The following SHANK2 variants were observed in gnomAD, a reference collection of about 807,000 sequenced individuals.
SHANK2 encodes the protein SH3 and multiple ankyrin repeat domains 2, also known as SH3 and multiple ankyrin repeat domains protein 2.
Under a neutral mutation model 133.7 loss-of-function variants are expected in SHANK2, and 43 were observed. That is an observed-to-expected ratio of 0.32 (90% CI 0.25 to 0.41). SHANK2 has a LOEUF of 0.41. SHANK2 is among the 10% of genes least tolerant of loss of function. The pLI, the probability that SHANK2 is intolerant of heterozygous loss-of-function variation, is 1.00. For synonymous variants in SHANK2, 1,017 were observed against 952.8 expected (o/e 1.07, Z -1.24); for missense variants, 1,994 against 2,235.8 (o/e 0.89, Z 2.18).
intron 17 of SHANK2, among the ~76,000 whole-genome samples, chr11:70,639,263 C>T (rs527970225): frequency 6.6e-6 from 1 of 152,176 alleles, no homozygotes; most frequent in African/African-American, 2.4e-5. Context: ...GTCCATCAGG[C>T]CTTTGCTCAG....
chr11:70,954,980 G>A (rs1197011369), intron 10 of SHANK2, among the ~76,000 whole-genome samples: 2 of 152,212 alleles, frequency 1.3e-5, no homozygotes, highest in African/African-American at 4.8e-5. Context: ...TAGGCAGGGT[G>A]CCCCCATGCA....
intron 2 of SHANK2, among the ~76,000 whole-genome samples, chr11:71,224,100 T>G (rs1415173851): frequency 6.6e-6 from 1 of 152,248 alleles, no homozygotes; most frequent in Non-Finnish European, 1.5e-5. Context: ...AGAGCCTGTG[T>G]CCTCACTGAA....
intron 21 of SHANK2, among the ~76,000 whole-genome samples, chr11:70,494,089 C>G (rs1439845736): frequency 6.6e-6 from 1 of 152,174 alleles, no homozygotes; most frequent in Non-Finnish European, 1.5e-5. Context: ...GAGGTCCCCA[C>G]AAGAGGAAGT....
At chr11:70,600,051 T>G (rs2060471832) in intron 17 of SHANK2, among the ~76,000 whole-genome samples, 1 of 152,152 alleles carries the variant, frequency 6.6e-6, no homozygotes, top group Non-Finnish European at 1.5e-5. Context: ...TCTGGGTCAA[T>G]GCAATTCTAA....
At chr11:70,880,977 G>T (rs1949650751) in intron 11 of SHANK2, among the ~76,000 whole-genome samples, 1 of 152,218 alleles carries the variant, frequency 6.6e-6, no homozygotes, top group South Asian at 2.1e-4. Flanking sequence ...GTTCCCTGGG[G>T]TCACCAACTT....
intron 14 of SHANK2, chr11:70,705,575 G>T (rs1326870314): frequency 1.3e-5 from 2 of 152,306 alleles, no homozygotes; most frequent in East Asian, 3.9e-4. Context: ...CACTTTATGT[G>T]TCTCAGAGGA....
At chr11:71,131,370 G>T (rs1175566772) in intron 3 of SHANK2, among the ~76,000 whole-genome samples, 2 of 152,186 alleles carry the variant, frequency 1.3e-5, no homozygotes, top group East Asian at 3.9e-4. Flanking sequence ...GGGTGCTGAG[G>T]TCCAAGAGTC....
At chr11:71,182,946 C>A (rs1555113980) in intron 2 of SHANK2, among the ~76,000 whole-genome samples, 1 of 152,170 alleles carries the variant, frequency 6.6e-6, no homozygotes, top group Non-Finnish European at 1.5e-5. Context: ...CTCAGTAAAC[C>A]AGCACGAAAA....
chr11:71,167,417 A>ACC (rs539162998), intron 2 of SHANK2, among the ~76,000 whole-genome samples: 2 of 119,468 alleles, frequency 1.7e-5, no homozygotes, highest in African/African-American at 6.7e-5. Flanking sequence ...CGGGGGGCTG[A>ACC]CCCCCCCCAC....
chr11:70,917,856 G>T lies in SHANK2; in HGVS notation c.1108-21289C>A, dbSNP rs964878428. 2.6e-5 allele frequency among the ~76,000 whole-genome samples: 4 copies of T among 152,076 alleles called. No individual in the cohort carries two copies. In the East Asian group the frequency reaches 7.7e-4, roughly 29 times the overall value. ...ACAACAGACACAGGAGCCTTTCAGG[G>T]GGGTGGAGGGTGAGAGGAGGGAGAG... is the stretch of plus-strand genomic sequence containing the variant. On this transcript the variant is annotated intron_variant, in intron 10 of 25. Transcript: ENST00000601538.
At chr11:71,068,247 G>T (rs1951093645) in intron 9 of SHANK2, among the ~76,000 whole-genome samples, 1 of 152,190 alleles carries the variant, frequency 6.6e-6, no homozygotes, top group African/African-American at 2.4e-5. Context: ...ATGGCTCACT[G>T]AGTGACAGAC....
At chr11:70,673,580 C>T (rs968571564) in intron 15 of SHANK2, among the ~76,000 whole-genome samples, 3 of 152,272 alleles carry the variant, frequency 2.0e-5, no homozygotes, top group Non-Finnish European at 2.9e-5. Context: ...GGGAACCAGA[C>T]TCAGTGTGAC....
At chr11:70,824,140 C>T (rs1948600441) in intron 11 of SHANK2, among the ~76,000 whole-genome samples, 1 of 151,776 alleles carries the variant, frequency 6.6e-6, no homozygotes, top group African/African-American at 2.4e-5. Flanking sequence ...ATGGAGGGTG[C>T]TGGCAGAGCT....
chr11:70,890,487 A>T (rs10899627), intron 11 of SHANK2, among the ~76,000 whole-genome samples: 1 of 21,606 alleles, frequency 4.6e-5, no homozygotes, highest in Non-Finnish European at 3.8e-4. Flanking sequence ...AAAAAAAAAA[A>T]CAAAAAAAAC....
At chr11:70,669,444 AG>A (rs1163208402) in intron 15 of SHANK2, 2 of 152,350 alleles carry the variant, frequency 1.3e-5, no homozygotes, top group Non-Finnish European at 2.9e-5. Flanking sequence ...TGCACATCTG[AG>A]CATTCGGTGG....
At chr11:71,209,401 G>A (rs1954202504) in intron 2 of SHANK2, among the ~76,000 whole-genome samples, 1 of 152,218 alleles carries the variant, frequency 6.6e-6, no homozygotes, top group African/African-American at 2.4e-5. Flanking sequence ...ACCCAGGAGG[G>A]AGCTTCGGTT....
At chr11:70,913,960 G>T (rs975342706) in intron 10 of SHANK2, among the ~76,000 whole-genome samples, 3 of 152,230 alleles carry the variant, frequency 2.0e-5, no homozygotes, top group African/African-American at 4.8e-5. Flanking sequence ...GCATCAGGGT[G>T]TTCTCGTTAG....
rs782286506 is a variant in SHANK2 at position 70,659,854 on chromosome 11, G to A, written c.2035C>T (p.Leu679=). ...DEGGVAWQAG[L]RTGDFLIEVN... is the part of the protein sequence containing the mutation. ...TCAATCAAGAAGTCCCCGGTCCTTA[G>A]TCCGGCTTGCCACGCCACCCCACCT... The change falls in exon 17 of 26, where the codon CTA becomes TTA. Residue 679 remains leucine, a synonymous_variant. Transcript: ENST00000601538. 3 of 1,614,168 alleles carry A rather than the reference G, an allele frequency of 1.9e-6. No homozygotes were observed. Among genetic ancestry groups the A allele is most frequent in the Non-Finnish European group, 2.5e-6 (3 of 1,180,042 alleles).
intron 3 of SHANK2, among the ~76,000 whole-genome samples, chr11:71,125,986 A>C (rs1390338914): frequency 3.3e-5 from 5 of 152,058 alleles, no homozygotes; most frequent in Non-Finnish European, 7.4e-5. Context: ...TTAGGAGGCC[A>C]AGGTGGGCGG....
Sources: allele counts gnomAD v4.1 joint callset (sites outside exome capture counted in the v4.1 genomes callset), GRCh38; gene constraint gnomAD v4.1.1; transcripts MANE v1.5; gene names NCBI Gene and HGNC (gene_info 2026-07-23, HGNC 2026-07-21).